Variants in COP1 observed in about 807,000 individuals in gnomAD.
COP1 encodes the protein COP1 E3 ubiquitin ligase.
Under a neutral mutation model 101.3 loss-of-function variants are expected in COP1, and 24 were observed. The observed-to-expected ratio is 0.24, with a 90% CI of 0.17 to 0.33. The LOEUF is 0.33. COP1 is among the 10% of genes least tolerant of loss of function. The probability of loss-of-function intolerance (pLI) is 1.00; values close to 1 mark genes in which losing one functional copy is unlikely to be tolerated. For synonymous variants in COP1, 347 were observed against 341.9 expected (o/e 1.01, Z -0.17); for missense variants, 663 against 906.2 (o/e 0.73, Z 3.45).
At chr1:176,183,865 A>C (rs997750175) in intron 2 of COP1, among the ~76,000 whole-genome samples, 4 of 152,210 alleles carry the variant, frequency 2.6e-5, no homozygotes, top group African/African-American at 9.6e-5. Context: ...ACTTCTACTT[A>C]TTCGAGGTAT....
At position 176,042,195 on chromosome 1, in the gene COP1, C is replaced by T. The variant is rs141702443; in HGVS notation, c.1612+991G>A. Among the ~76,000 whole-genome samples, 534 of 141,778 alleles carry T rather than the reference C, an allele frequency of 3.8e-3. 1 individual carries two copies. Among genetic ancestry groups the T allele is most frequent in the African/African-American group, 0.013 (503 of 38,196 alleles). 93.0% of individuals were successfully genotyped at this position (141,778 alleles called of 152,430 possible). A position where few individuals can be genotyped will look rare whatever the true frequency, so the allele number is the denominator to read the frequency against. ...TGGAGGCAGGAGAATCACTTGAACC[C>T]GGGAGGTGGAGGTTGCAGTGAGCCG... On this transcript the variant is annotated intron_variant, in intron 14 of 19. Coordinates refer to ENST00000367669, the MANE Select transcript of COP1 (RefSeq NM_022457.7).
At chr1:176,092,359 A>G (rs1157560624) in intron 9 of COP1, among the ~76,000 whole-genome samples, 1 of 152,222 alleles carries the variant, frequency 6.6e-6, no homozygotes, top group East Asian at 1.9e-4. Flanking sequence ...ATGAAACACA[A>G]GAAGTACTAA....
intron 3 of COP1, chr1:176,168,773 G>C (rs1343591548): frequency 4.1e-6 from 1 of 243,318 alleles, no homozygotes; most frequent in African/African-American, 2.3e-5. Context: ...GGGAGAAACA[G>C]AAGAGAATGA....
rs1394701807 is a variant in COP1 at position 175,992,243 on chromosome 1, A to C, written c.1730-2764T>G. On this transcript the variant is annotated intron_variant, in intron 15 of 19. Coordinates refer to ENST00000367669, the MANE Select transcript of COP1 (RefSeq NM_022457.7). ...TCTAATTATACATTTTCAGTTATTTAAAAATGTACAATGGGAGGTGGAGGC... is the reference window on the plus strand; with the variant it reads ...TCTAATTATACATTTTCAGTTATTTCAAAATGTACAATGGGAGGTGGAGGC... Among the ~76,000 whole-genome samples, 3 of 152,156 alleles carry C rather than the reference A, an allele frequency of 2.0e-5. No homozygotes were observed. The East Asian group carries it at 5.8e-4, about 29-fold the overall frequency.
intron 5 of COP1, among the ~76,000 whole-genome samples, chr1:176,151,614 T>C (rs1006401055): frequency 1.3e-5 from 2 of 152,146 alleles, no homozygotes; most frequent in African/African-American, 4.8e-5. Flanking sequence ...AATTTTGTTG[T>C]ATTCTAAAAG....
At chr1:175,956,108 A>C (rs1035535903) in intron 18 of COP1, among the ~76,000 whole-genome samples, 1 of 152,286 alleles carries the variant, frequency 6.6e-6, no homozygotes, top group Non-Finnish European at 1.5e-5. Context: ...ACTGTTAATA[A>C]AAGCATTAGG....
chr1:176,080,137 T>A (rs1047986817), intron 11 of COP1, among the ~76,000 whole-genome samples: 2 of 152,156 alleles, frequency 1.3e-5, no homozygotes, highest in Admixed American at 6.5e-5. Context: ...AAACACGCTG[T>A]ATGCAATAAA....
intron 11 of COP1, among the ~76,000 whole-genome samples, chr1:176,068,214 CCCTT>C (rs1676356759): frequency 6.6e-6 from 1 of 151,916 alleles, no homozygotes; most frequent in African/African-American, 2.4e-5. Context: ...TCCTTCCTTC[CCCTT>C]CCTTCTTCCT....
chr1:176,163,080 T>C (rs762978180), intron 4 of COP1, 92 bp from the exon 5 acceptor site: 4 of 1,276,484 alleles, frequency 3.1e-6, no homozygotes, highest in Non-Finnish European at 4.3e-6. Flanking sequence ...CCTAATATGC[T>C]CATTACATAG....
intron 15 of COP1, among the ~76,000 whole-genome samples, chr1:176,023,657 G>A (rs1203334959): frequency 6.7e-6 from 1 of 148,824 alleles, no homozygotes; most frequent in Admixed American, 6.8e-5. Context: ...GGTAGAGGTT[G>A]CAGTGAGCTG....
At position 176,025,078 on chromosome 1, in the gene COP1, A is replaced by G. The variant is rs573198352; in HGVS notation, c.1729+2494T>C. Among the ~76,000 whole-genome samples, 23 of 152,326 alleles carry G rather than the reference A, an allele frequency of 1.5e-4. No homozygotes were observed. In the East Asian group the frequency reaches 4.4e-3, roughly 29 times the overall value. ...GAAAAATACAATTCAGTGTTAGAAAAAGCATAAGCACCAATTGGTGCTAAA... is the reference window on the plus strand; with the variant it reads ...GAAAAATACAATTCAGTGTTAGAAAGAGCATAAGCACCAATTGGTGCTAAA... On this transcript the variant is annotated intron_variant, in intron 15 of 19. Transcript: ENST00000367669.
chr1:176,140,971 T>A (rs1690584694), intron 6 of COP1, among the ~76,000 whole-genome samples: 1 of 152,258 alleles, frequency 6.6e-6, no homozygotes, highest in African/African-American at 2.4e-5. Context: ...AGTAAGTAAG[T>A]CTCAGAATCC....
At chr1:175,999,697 T>C (rs1661130058) in intron 15 of COP1, among the ~76,000 whole-genome samples, 1 of 152,088 alleles carries the variant, frequency 6.6e-6, no homozygotes, top group South Asian at 2.1e-4. Context: ...CCAATCTTCA[T>C]AGTGGTTGTA....
chr1:176,166,126 TTTTA>T (rs1281857278), intron 3 of COP1, among the ~76,000 whole-genome samples: 8 of 150,044 alleles, frequency 5.3e-5, no homozygotes, highest in Non-Finnish European at 8.8e-5. Flanking sequence ...TATTTATTTA[TTTTA>T]TTTATTTATT....
Position 176,123,002 on chromosome 1 carries a change from T to TA in COP1, c.969-6322dup, listed in dbSNP as rs1451829314. ...CTGATTTGACTCCAACAAAATAAGT[T>TA]AAAGTTTCAGTTCATTACACAACGT... On this transcript the variant is annotated intron_variant, in intron 8 of 19. Transcript: ENST00000367669. 3.9e-5 allele frequency among the ~76,000 whole-genome samples: 6 copies of TA among 152,272 alleles called. No individual in the cohort carries two copies. In the South Asian group the frequency reaches 8.3e-4, roughly 21 times the overall value.
At chr1:176,011,006 C>A (rs971150267) in intron 15 of COP1, among the ~76,000 whole-genome samples, 1 of 152,122 alleles carries the variant, frequency 6.6e-6, no homozygotes, top group African/African-American at 2.4e-5. Flanking sequence ...TTGTGAGGAA[C>A]AGTGAAAAGA....
chr1:176,047,241 C>T (rs892123462), intron 11 of COP1, among the ~76,000 whole-genome samples: 1 of 152,194 alleles, frequency 6.6e-6, no homozygotes, highest in Non-Finnish European at 1.5e-5. Flanking sequence ...CAATTAATTA[C>T]ACAATAATAC....
At chr1:176,050,335 C>T (rs1672325255) in intron 11 of COP1, among the ~76,000 whole-genome samples, 1 of 152,156 alleles carries the variant, frequency 6.6e-6, no homozygotes, top group African/African-American at 2.4e-5. Flanking sequence ...CAGTACAATG[C>T]GGCACAAAGC....
intron 11 of COP1, among the ~76,000 whole-genome samples, chr1:176,080,136 G>A (rs1290954664): frequency 6.6e-6 from 1 of 152,056 alleles, no homozygotes; most frequent in African/African-American, 2.4e-5. Flanking sequence ...AAAACACGCT[G>A]TATGCAATAA....
Sources: gnomAD v4.1 joint callset for allele counts (sites outside exome capture counted in the v4.1 genomes callset) on GRCh38, gnomAD v4.1.1 for gene constraint, MANE v1.5 for transcripts, NCBI Gene and HGNC (gene_info 2026-07-23, HGNC 2026-07-21) for gene names.